OTOP3: variants seen among roughly 807,000 people sequenced by gnomAD.
OTOP3 encodes proton channel OTOP3.
Under a neutral mutation model 50.8 loss-of-function variants are expected in OTOP3, and 41 were observed. That is an observed-to-expected ratio of 0.81 (90% CI 0.63 to 1.05). The LOEUF (loss-of-function observed/expected upper bound fraction) is 1.05, where lower values mean the gene tolerates loss of function less well. Ranked by LOEUF, OTOP3 falls within the 50% of genes least tolerant of loss-of-function variation. The pLI is 0.00. For missense variants in OTOP3, 788 were observed against 760.8 expected, an observed-to-expected ratio of 1.04 and a Z score of -0.42; for synonymous variants, 320 against 324.4, an observed-to-expected ratio of 0.99 and a Z score of 0.14.
At chr17:74,945,931 T>C (rs1273158142) in intron 5 of OTOP3, among the ~76,000 whole-genome samples, 1 of 151,954 alleles carries the variant, frequency 6.6e-6, no homozygotes, top group African/African-American at 2.4e-5. Flanking sequence ...GGACTACAGA[T>C]GTGTGCCATC....
rs1482946526 is a variant in OTOP3 at position 74,949,652 on chromosome 17, CT to C, written c.*237del. 1 of 519,400 alleles carries C rather than the reference CT, an allele frequency of 1.9e-6. No individual in the cohort carries two copies. The highest frequency in any genetic ancestry group is 3.4e-6 in the Non-Finnish European group (1 of 298,270). The allele number at this position is 519,400 out of a possible 1,614,324, so 32.2% of individuals were successfully genotyped here. A position where few individuals can be genotyped will look rare whatever the true frequency, so the allele number is the denominator to read the frequency against. ...CCAGGCCTGGGCACATGCCTGCCCC[CT>C]GCCTTCCCACCACGATCCGCAAGCC... On this transcript the variant is annotated 3_prime_UTR_variant, in exon 7 of 7. Coordinates refer to ENST00000328801, the MANE Select transcript of OTOP3 (RefSeq NM_001272005.2).
At chr17:74,939,748 G>A (rs1011565968) in intron 1 of OTOP3, among the ~76,000 whole-genome samples, 1 of 152,102 alleles carries the variant, frequency 6.6e-6, no homozygotes, top group African/African-American at 2.4e-5. Context: ...GGAGTGGGGG[G>A]AGGGGCACAG....
upstream of OTOP3, chr17:74,935,841 T>C (rs569739997): frequency 3.0e-3 from 4,597 of 1,530,476 alleles, 8 homozygotes; most frequent in Non-Finnish European, 3.6e-3. Flanking sequence ...GCAGTCCCGC[T>C]GGGGGAGGGC....
At position 74,941,393 on chromosome 17, in the gene OTOP3, C is replaced by G; in HGVS notation, c.20C>G (p.Ala7Gly). Reference sequence around the variant, plus strand: ...CCCAGGACCCTTTCTCCATCTCCAGCCCCTGCTGAGGCTACACCCATGCCT... The same window carrying G: ...CCCAGGACCCTTTCTCCATCTCCAGGCCCTGCTGAGGCTACACCCATGCCT... MPLPAS[A>G]PAEATPMPSS... The change falls in exon 2 of 7, where the codon GCC (alanine) becomes GGC (glycine). Residue 7 changes from alanine to glycine, a missense_variant and splice_region_variant. Ala to Gly is a moderately conservative substitution (Grantham distance 60). Transcript: ENST00000328801. 1 of 1,493,758 alleles carries G rather than the reference C, an allele frequency of 6.7e-7. No homozygotes were observed. Among genetic ancestry groups the G allele is most frequent in the South Asian group, 1.4e-5 (1 of 72,764 alleles). 92.5% of individuals were successfully genotyped at this position (1,493,758 alleles called of 1,614,324 possible).
intron 5 of OTOP3, among the ~76,000 whole-genome samples, chr17:74,944,330 A>G (rs2039205994): frequency 1.3e-5 from 2 of 152,148 alleles, no homozygotes; most frequent in African/African-American, 4.8e-5. Flanking sequence ...ACATCCACAC[A>G]TTCACATACC....
rs773177297 is a variant in OTOP3 at position 74,947,297 on chromosome 17, T to A, written c.1388T>A (p.Val463Asp). 1.9e-6 allele frequency: 3 copies of A among 1,613,452 alleles called. No individual in the cohort carries two copies. The South Asian group carries it at 3.3e-5, about 18-fold the overall frequency. ...GLHRRPLWET[V>D]PEGLAGKQEA... Reference sequence around the variant, plus strand: ...CACCGGCGCCCACTCTGGGAGACAGTTCCCGAGGGCCTGGCAGGAAAGCAG... The same window carrying A: ...CACCGGCGCCCACTCTGGGAGACAGATCCCGAGGGCCTGGCAGGAAAGCAG... Residue 463 changes from valine to aspartate, a missense_variant, in exon 6 of 7, where the codon GTT (valine) becomes GAT (aspartate). By Grantham distance (152) the Val-to-Asp change is radical. Coordinates refer to ENST00000328801, the MANE Select transcript of OTOP3 (RefSeq NM_001272005.2).
At chr17:74,943,514 G>T in intron 4 of OTOP3, 92 bp from the exon 5 acceptor site, 1 of 1,388,998 alleles carries the variant, frequency 7.2e-7, no homozygotes, top group Non-Finnish European at 1.0e-6. Flanking sequence ...GTGGTTGGGA[G>T]TGAGTGGTTG....
chr17:74,936,083 A>G (rs977016480), intron 1 of OTOP3, 143 bp downstream of exon 1: 44 of 1,335,736 alleles, frequency 3.3e-5, no homozygotes, highest in Non-Finnish European at 4.4e-5. Flanking sequence ...GGAGAGGTGA[A>G]CTCCCTTTAA....
At position 74,947,042 on chromosome 17, in the gene OTOP3, T is replaced by C. The variant is rs1425409825; in HGVS notation, c.1133T>C (p.Ile378Thr). The change falls in exon 6 of 7, where the codon ATA (isoleucine) becomes ACA (threonine). Residue 378 changes from isoleucine to threonine, a missense_variant. By Grantham distance (89) the Ile-to-Thr change is moderately conservative. Coordinates refer to ENST00000328801, the MANE Select transcript of OTOP3 (RefSeq NM_001272005.2). ...CTGGCGTGCCTGGCGGGCACAGCCA[T>C]ACACGGGCTGGAGGAGAGAGAGCTG... Reference protein sequence around the residue: ...MSLACLAGTAIHGLEERELDT... With the variant: ...MSLACLAGTATHGLEERELDT... 3.1e-6 allele frequency: 5 copies of C among 1,613,934 alleles called. No homozygotes were observed. Among genetic ancestry groups the C allele is most frequent in the Non-Finnish European group, 4.2e-6 (5 of 1,180,048 alleles).
chr17:74,939,751 G>A (rs964823962), intron 1 of OTOP3, among the ~76,000 whole-genome samples: 1 of 152,034 alleles, frequency 6.6e-6, no homozygotes, highest in Non-Finnish European at 1.5e-5. Flanking sequence ...GTGGGGGGAG[G>A]GGCACAGAAA....
intron 6 of OTOP3, among the ~76,000 whole-genome samples, chr17:74,948,188 G>A (rs952357566): frequency 6.6e-6 from 1 of 152,162 alleles, no homozygotes; most frequent in African/African-American, 2.4e-5. Context: ...TGAGGAAGGG[G>A]TAGAATTTGG....
rs1041406191 is a variant in OTOP3 at position 74,949,245 on chromosome 17, G to A, written c.1567-1G>A. 1.9e-6 allele frequency: 3 copies of A among 1,613,672 alleles called. No individual in the cohort carries two copies. In the African/African-American group the frequency reaches 4.0e-5, roughly 22 times the overall value. ...CTAACTCAGCACATCCTCTTCCCCA[G>A]CTGTGGATGATGCCTGCATTTGGCA... On this transcript the variant is annotated splice_acceptor_variant, in intron 6 of 6. Transcript: ENST00000328801. LOFTEE classifies it high-confidence loss of function.
intron 6 of OTOP3, among the ~76,000 whole-genome samples, chr17:74,948,295 A>T (rs2039248461): frequency 6.6e-6 from 1 of 152,080 alleles, no homozygotes; most frequent in African/African-American, 2.4e-5. Context: ...AGGCCGAGGG[A>T]GGAGGATCCC....
chr17:74,948,916 C>G (rs2039254612), intron 6 of OTOP3, among the ~76,000 whole-genome samples: 1 of 152,112 alleles, frequency 6.6e-6, no homozygotes. Flanking sequence ...GGTGGGGGTG[C>G]CCAGCTTGAC....
Position 74,947,143 on chromosome 17 carries a change from G to T in OTOP3, c.1234G>T (p.Ala412Ser). The change falls in exon 6 of 7, where the codon GCC (alanine) becomes TCC (serine). Residue 412 changes from alanine (A) to serine (S), a missense_variant. Coordinates refer to ENST00000328801, the MANE Select transcript of OTOP3 (RefSeq NM_001272005.2). ...MGAALGQMGI[A>S]YFSIVAIVAK... Reference sequence around the variant, plus strand: ...TGCTGCACTGGGCCAGATGGGCATCGCCTATTTCTCCATCGTGGCCATTGT... The same window carrying T: ...TGCTGCACTGGGCCAGATGGGCATCTCCTATTTCTCCATCGTGGCCATTGT... The T allele has an allele frequency of 6.2e-7, 1 of 1,614,050 alleles. No individual in the cohort carries two copies. The highest frequency in any genetic ancestry group is 1.1e-5 in the South Asian group (1 of 91,084).
At chr17:74,943,859 G>T in intron 5 of OTOP3, 135 bp downstream of exon 5, 2 of 742,148 alleles carry the variant, frequency 2.7e-6, no homozygotes, top group Non-Finnish European at 4.4e-6. Context: ...GCAAACTCTA[G>T]AGGCCAGATT....
At position 74,946,867 on chromosome 17, in the gene OTOP3, A is replaced by G. The variant is rs756961857; in HGVS notation, c.958A>G (p.Ile320Val). ...ATAPFHLHGA[I>V]FGPLLGLLVL... ...CGCACCCTTCCACCTGCACGGGGCCATCTTCGGGCCGCTGCTGGGCCTGCT... is the reference window on the plus strand; with the variant it reads ...CGCACCCTTCCACCTGCACGGGGCCGTCTTCGGGCCGCTGCTGGGCCTGCT... The change falls in exon 6 of 7, where the codon ATC becomes GTC. Residue 320 changes from isoleucine to valine, a missense_variant. Ile to Val is a conservative substitution (Grantham distance 29, BLOSUM62 3). Transcript: ENST00000328801. The G allele has an allele frequency of 7.4e-5, 120 of 1,610,786 alleles. No homozygotes were observed. The highest frequency in any genetic ancestry group is 9.7e-5 in the Non-Finnish European group (115 of 1,179,998).
rs115115836 is a variant in OTOP3 at position 74,948,006 on chromosome 17, A to G, written c.1566+531A>G. Among the ~76,000 whole-genome samples, 1,106 of 152,248 alleles carry G rather than the reference A, an allele frequency of 7.3e-3. 15 individuals are homozygous for G. The highest frequency in any genetic ancestry group is 0.024 in the African/African-American group (997 of 41,538). ...GCCTGTAAGTGGCAGGGCTGGGACA[A>G]CTCAGGGTTGTGTTTGACTCCAAGC... On this transcript the variant is annotated intron_variant, in intron 6 of 6. Coordinates refer to ENST00000328801, the MANE Select transcript of OTOP3 (RefSeq NM_001272005.2).
chr17:74,948,853 A>G (rs2039253652), intron 6 of OTOP3, among the ~76,000 whole-genome samples: 1 of 152,070 alleles, frequency 6.6e-6, no homozygotes, highest in Admixed American at 6.6e-5. Flanking sequence ...ATAAATAAAT[A>G]ATAAAAATAA....
Sources: gnomAD v4.1 joint callset for allele counts (sites outside exome capture counted in the v4.1 genomes callset) on GRCh38, gnomAD v4.1.1 for gene constraint, MANE v1.5 for transcripts, NCBI Gene and HGNC (gene_info 2026-07-23, HGNC 2026-07-21) for gene names.